Variants in KCTD1 observed in about 807,000 individuals in gnomAD.
The protein encoded by KCTD1 is potassium channel tetramerization domain containing 1, also known as BTB/POZ domain-containing protein KCTD1.
KCTD1 carries 24 observed loss-of-function variants against 66.0 expected under a neutral mutation model. The observed-to-expected ratio is 0.36, with a 90% CI of 0.26 to 0.51. The LOEUF is 0.51. KCTD1 is among the 20% of genes least tolerant of loss of function. The pLI, the probability that KCTD1 is intolerant of heterozygous loss-of-function variation, is 0.95. For synonymous variants in KCTD1, 511 were observed against 517.2 expected (o/e 0.99, Z 0.16); for missense variants, 943 against 1,205.2 (o/e 0.78, Z 3.22).
intron 3 of KCTD1, among the ~76,000 whole-genome samples, chr18:26,475,017 T>C (rs1981266157): frequency 6.6e-6 from 1 of 152,234 alleles, no homozygotes; most frequent in African/African-American, 2.4e-5. Flanking sequence ...CTTTTCCCAC[T>C]GATGTGAAAT....
chr18:26,556,873 A>G (rs1567993331), intron 1 of KCTD1, among the ~76,000 whole-genome samples: 1 of 152,138 alleles, frequency 6.6e-6, no homozygotes, highest in Non-Finnish European at 1.5e-5. Context: ...AAACCACCCA[A>G]ATACATTTGG....
chr18:26,642,545 T>C (rs1320154080), upstream of KCTD1, among the ~76,000 whole-genome samples: 1 of 152,178 alleles, frequency 6.6e-6, no homozygotes, highest in Non-Finnish European at 1.5e-5. Flanking sequence ...AAACCAACAG[T>C]GTTGATGTTG....
intron 1 of KCTD1, chr18:26,575,448 C>T (rs1986203496): frequency 6.6e-6 from 1 of 152,158 alleles, no homozygotes; most frequent in Non-Finnish European, 1.5e-5. Context: ...GACTGCGACC[C>T]CCTGGACGGG....
chr18:26,600,645 C>A (rs1986872528), intron 1 of KCTD1, among the ~76,000 whole-genome samples: 1 of 151,958 alleles, frequency 6.6e-6, no homozygotes, highest in Non-Finnish European at 1.5e-5. Flanking sequence ...AAATGCTGAC[C>A]AGAACACTCT....
intron 1 of KCTD1, among the ~76,000 whole-genome samples, chr18:26,507,685 C>G (rs17799891): frequency 0.085 from 12,985 of 152,100 alleles, 623 homozygotes; most frequent in Middle Eastern, 0.17. Flanking sequence ...TTTCTCCCTT[C>G]TTTACTGACA....
chr18:26,587,012 G>C (rs888993198), intron 1 of KCTD1, among the ~76,000 whole-genome samples: 5 of 152,186 alleles, frequency 3.3e-5, no homozygotes, highest in Non-Finnish European at 7.3e-5. Context: ...TTCAGTAAAG[G>C]TGGTTACACT....
intron 1 of KCTD1, among the ~76,000 whole-genome samples, chr18:26,512,028 G>T (rs938548345): frequency 2.0e-5 from 3 of 152,198 alleles, no homozygotes; most frequent in African/African-American, 7.2e-5. Context: ...TGTGGTCATT[G>T]AAATTCCTCA....
At chr18:26,601,892 G>A (rs1986907874) in intron 1 of KCTD1, among the ~76,000 whole-genome samples, 1 of 151,850 alleles carries the variant, frequency 6.6e-6, no homozygotes, top group Non-Finnish European at 1.5e-5. Flanking sequence ...CATTTTTGGT[G>A]GATTTCTTAG....
rs1308066024 is a variant in KCTD1, at chr18:26,548,008, G to T, written c.529C>A (p.Arg177Ser). ...TCCCGGAAGATGCGCACGGCGTAGC[G>T]GGTGGCCAGCCGGGTGTTCTCGCTC... Reference protein sequence around the residue: ...RLSENTRLATRYAVRIFREYL... With the variant: ...RLSENTRLATSYAVRIFREYL... The change falls in exon 1 of 5, where the codon CGC (arginine) becomes AGC (serine). Residue 177 changes from arginine to serine, a missense_variant. Around this residue, in one of 10 missense-constraint regions of KCTD1, gnomAD observed 96 missense variants for 132.5 expected, o/e 0.72. Transcript: ENST00000580059. 6.5e-7 allele frequency: 1 copy of T among 1,531,402 alleles called. No individual in the cohort carries two copies. Among genetic ancestry groups the T allele is most frequent in the South Asian group, 1.2e-5 (1 of 83,246 alleles). The allele number at this position is 1,531,402 out of a possible 1,614,324, so 94.9% of individuals were successfully genotyped here.
At chr18:26,636,168 C>A (rs930926055) in intron 1 of KCTD1, among the ~76,000 whole-genome samples, 1 of 152,010 alleles carries the variant, frequency 6.6e-6, no homozygotes, top group African/African-American at 2.4e-5. Context: ...GCTAGGACTG[C>A]CGTGAAGAGA....
At chr18:26,651,866 C>T (rs1988043656) in intron 1 of KCTD1, among the ~76,000 whole-genome samples, 1 of 150,320 alleles carries the variant, frequency 6.7e-6, no homozygotes, top group African/African-American at 2.5e-5. Context: ...CATAGGTGAA[C>T]AAGAGAGAAG....
chr18:26,472,567 T>C lies in KCTD1; in HGVS notation c.2133+3948A>G, dbSNP rs1466434048. On this transcript the variant is annotated intron_variant, in intron 3 of 4. Transcript: ENST00000580059. ...TTCTACTGCCTTTCCTCTAGGAAAA[T>C]ATGAGAGAGTAAGAAATTGTTCCCC... Among the ~76,000 whole-genome samples, 3 of 152,102 alleles carry C rather than the reference T, an allele frequency of 2.0e-5. No homozygotes were observed. In the South Asian group the frequency reaches 6.2e-4, roughly 32 times the overall value.
At chr18:26,525,262 T>C (rs1475425383) in intron 1 of KCTD1, among the ~76,000 whole-genome samples, 1 of 152,230 alleles carries the variant, frequency 6.6e-6, no homozygotes, top group Non-Finnish European at 1.5e-5. Flanking sequence ...GTAGGGCCAC[T>C]AGTGTCCCCA....
At chr18:26,642,495 TCTG>T (rs1187823907), upstream of KCTD1, among the ~76,000 whole-genome samples, 2 of 152,218 alleles carry the variant, frequency 1.3e-5, no homozygotes, top group Non-Finnish European at 2.9e-5. Context: ...GATTTTTAGT[TCTG>T]CTTAGGGCTA....
intron 1 of KCTD1, among the ~76,000 whole-genome samples, chr18:26,626,496 G>A: frequency 7.9e-6 from 1 of 125,862 alleles, no homozygotes. Context: ...TTTTTTTTGA[G>A]GCAAGGTCTT....
At chr18:26,473,230 C>T (rs1981162666) in intron 3 of KCTD1, among the ~76,000 whole-genome samples, 1 of 152,056 alleles carries the variant, frequency 6.6e-6, no homozygotes, top group African/African-American at 2.4e-5. Flanking sequence ...ACCATGCAGC[C>T]ATAAAAAGGA....
At chr18:26,593,324 AGAG>A (rs1568003457) in intron 1 of KCTD1, among the ~76,000 whole-genome samples, 3 of 105,556 alleles carry the variant, frequency 2.8e-5, no homozygotes, top group East Asian at 6.3e-4. Context: ...AGGAGGAGGA[AGAG>A]GAGGAGGAAG....
chr18:26,478,758 AT>A (rs201900766), intron 2 of KCTD1, among the ~76,000 whole-genome samples: 17 of 152,034 alleles, frequency 1.1e-4, no homozygotes, highest in Non-Finnish European at 2.9e-5. Flanking sequence ...CTCTGTCTCC[AT>A]TTTTTTTAAA....
chr18:26,548,852 G>C (rs1288498473), upstream of KCTD1: 1 of 1,020,704 alleles, frequency 9.8e-7, no homozygotes, highest in Non-Finnish European at 1.2e-6. Context: ...AGGAAAGGGA[G>C]GGAGAGCTGT....
Sources: gnomAD v4.1 joint callset for allele counts (sites outside exome capture counted in the v4.1 genomes callset) on GRCh38, gnomAD v4.1.1 for gene constraint, gnomAD v4.1.1 regional missense constraint, MANE v1.5 for transcripts, NCBI Gene and HGNC (gene_info 2026-07-23, HGNC 2026-07-21) for gene names.